DMD: variants seen among roughly 807,000 people sequenced by gnomAD.
The protein encoded by DMD is dystrophin.
DMD carries 63 observed loss-of-function variants against 330.1 expected under a neutral mutation model. The ratio of observed to expected loss-of-function variants is 0.19; its 90% CI spans 0.16 to 0.24. The LOEUF is 0.24. Ranked by LOEUF, DMD falls within the 10% of genes least tolerant of loss-of-function variation. The pLI is 1.00. For synonymous variants in DMD, 1,223 were observed against 959.8 expected (o/e 1.27, Z -5.07); for missense variants, 3,344 against 2,684.1 (o/e 1.25, Z -5.43).
At chrX:32,965,017 G>A (rs917845582) in intron 2 of DMD, among the ~76,000 whole-genome samples, 1 of 111,301 alleles carries the variant, frequency 9.0e-6, no homozygotes, top group Non-Finnish European at 1.9e-5. Flanking sequence ...AATATCATGT[G>A]GATGTAATCA....
chrX:32,504,306 T>C (rs1404097450), intron 18 of DMD, among the ~76,000 whole-genome samples: 2 of 112,019 alleles, frequency 1.8e-5, no homozygotes, highest in African/African-American at 3.2e-5. Flanking sequence ...ACTTTAAAAT[T>C]TCAACATTGA....
intron 52 of DMD, among the ~76,000 whole-genome samples, chrX:31,700,450 C>T (rs1187037442): frequency 8.9e-6 from 1 of 111,871 alleles, no homozygotes. Context: ...ACCAGATTAC[C>T]TCCTTAAAAG....
chrX:32,658,165 T>A (rs1330098424), intron 9 of DMD, among the ~76,000 whole-genome samples: 1 of 111,347 alleles, frequency 9.0e-6, no homozygotes, highest in Non-Finnish European at 1.9e-5. Flanking sequence ...GGAATTTTGC[T>A]TTTTTTCTCA....
chrX:32,532,157 T>C (rs1603635646), intron 17 of DMD, among the ~76,000 whole-genome samples: 1 of 111,638 alleles, frequency 9.0e-6, no homozygotes, highest in African/African-American at 3.2e-5. Flanking sequence ...AGTTCAATTA[T>C]ATGGAAATTC....
chrX:32,339,298 C>A (rs1268552268), intron 41 of DMD, among the ~76,000 whole-genome samples: 1 of 111,689 alleles, frequency 9.0e-6, no homozygotes, highest in Non-Finnish European at 1.9e-5. Context: ...TAGAACTATC[C>A]CTTTTCCTCA....
At chrX:31,962,059 G>T (rs2095311463) in intron 45 of DMD, among the ~76,000 whole-genome samples, 1 of 111,084 alleles carries the variant, frequency 9.0e-6, no homozygotes, top group African/African-American at 3.3e-5. Context: ...CTGCGGGACT[G>T]CATCCTGGTT....
At chrX:32,410,960 C>T (rs1220558715) in intron 30 of DMD, among the ~76,000 whole-genome samples, 2 of 111,025 alleles carry the variant, frequency 1.8e-5, no homozygotes, top group African/African-American at 6.6e-5. Context: ...GTGCATGTAG[C>T]TATATTGAGC....
At position 32,481,902 on chromosome X, in the gene DMD, G is replaced by A. The variant is rs543586316; in HGVS notation, c.2803+3017C>T. On this transcript the variant is annotated intron_variant, in intron 21 of 78. Coordinates refer to ENST00000357033, the MANE Select transcript of DMD (RefSeq NM_004006.3). The stretch of plus-strand genomic sequence containing the variant: ...TACCAGGTGTTCAAAAATATTTCTT[G>A]AATTTATTAGTGAAAAAGTGAGCAA... Among the ~76,000 whole-genome samples, 54 of 111,564 alleles carry A rather than the reference G, an allele frequency of 4.8e-4. No individual in the cohort carries two copies. The South Asian group carries it at 0.016, about 33-fold the overall frequency.
At chrX:32,427,431 G>C (rs1010798167) in intron 29 of DMD, among the ~76,000 whole-genome samples, 3 of 111,067 alleles carry the variant, frequency 2.7e-5, no homozygotes, top group Non-Finnish European at 5.7e-5. Context: ...TTTATTTAAA[G>C]CCATGACACT....
upstream of DMD, among the ~76,000 whole-genome samples, chrX:33,213,092 C>G (rs781121839): frequency 2.7e-5 from 3 of 111,404 alleles, no homozygotes; most frequent in African/African-American, 9.8e-5. Flanking sequence ...CAAGTTGACA[C>G]GAGACCTCAA....
At chrX:32,162,120 T>G (rs928460402) in intron 44 of DMD, among the ~76,000 whole-genome samples, 2 of 111,541 alleles carry the variant, frequency 1.8e-5, no homozygotes, top group Admixed American at 1.9e-4. Flanking sequence ...CCGTGGCAAA[T>G]GTATACCTAT....
At chrX:32,084,182 A>C (rs16990087) in intron 44 of DMD, among the ~76,000 whole-genome samples, 12,642 of 111,484 alleles carry the variant, frequency 0.11, 809 homozygotes, top group African/African-American at 0.24. Flanking sequence ...TTAGAGCTTG[A>C]GTTAGTAAGA....
At chrX:31,148,565 T>G (rs181220418) in intron 74 of DMD, among the ~76,000 whole-genome samples, 1 of 112,506 alleles carries the variant, frequency 8.9e-6, no homozygotes, top group Admixed American at 9.4e-5. Context: ...TTACAGAATA[T>G]AGTTTGATGT....
chrX:33,209,324 G>A (rs1346027811), intron 1 of DMD, among the ~76,000 whole-genome samples: 1 of 111,258 alleles, frequency 9.0e-6, no homozygotes, highest in Non-Finnish European at 1.9e-5. Context: ...GTCTTTAAAA[G>A]ATTCTGCAGA....
chrX:32,930,821 T>C (rs886318110), intron 2 of DMD, among the ~76,000 whole-genome samples: 2 of 110,088 alleles, frequency 1.8e-5, no homozygotes, highest in Non-Finnish European at 3.8e-5. Flanking sequence ...TTGCATTATA[T>C]ATATTTACTA....
intron 44 of DMD, among the ~76,000 whole-genome samples, chrX:32,186,909 CG>C (rs1317070451): frequency 9.0e-6 from 1 of 110,791 alleles, no homozygotes; most frequent in East Asian, 2.8e-4. Context: ...TGTAATTTAA[CG>C]GAACATATCA....
intron 55 of DMD, among the ~76,000 whole-genome samples, chrX:31,615,296 C>T (rs995934939): frequency 8.9e-6 from 1 of 111,743 alleles, no homozygotes; most frequent in Non-Finnish European, 1.9e-5. Context: ...GGCAAATAGT[C>T]CCAGCCTTCT....
chrX:31,225,980 G>A (rs1051836978), intron 63 of DMD, among the ~76,000 whole-genome samples: 6 of 112,109 alleles, frequency 5.4e-5, no homozygotes, highest in Non-Finnish European at 1.1e-4. Flanking sequence ...CCTGGCAGCC[G>A]AGAGGTAGTT....
intron 54 of DMD, among the ~76,000 whole-genome samples, chrX:31,642,774 G>T (rs1270544006): frequency 9.0e-6 from 1 of 111,551 alleles, no homozygotes; most frequent in Non-Finnish European, 1.9e-5. Flanking sequence ...GCAGTGCTGG[G>T]GAAGAGGCCA....
Sources: gnomAD v4.1 joint callset for allele counts (sites outside exome capture counted in the v4.1 genomes callset) on GRCh38, gnomAD v4.1.1 for gene constraint, MANE v1.5 for transcripts, NCBI Gene and HGNC (gene_info 2026-07-23, HGNC 2026-07-21) for gene names.